Variants in ADGRV1 observed in about 807,000 individuals in gnomAD.
ADGRV1 encodes adhesion G protein-coupled receptor V1.
Under a neutral mutation model 596.2 loss-of-function variants are expected in ADGRV1, and 359 were observed. The observed-to-expected ratio is 0.60, with a 90% CI of 0.55 to 0.66. The LOEUF (loss-of-function observed/expected upper bound fraction) is 0.66. Among genes scored for constraint, ADGRV1 ranks in the 30% least tolerant of loss-of-function variants. The pLI, the probability that ADGRV1 is intolerant of heterozygous loss-of-function variation, is 0.00. For synonymous variants in ADGRV1, 2,681 were observed against 2,679.2 expected, an observed-to-expected ratio of 1.00 and a Z score of -0.02; for missense variants, 7,274 against 7,575.6, an observed-to-expected ratio of 0.96 and a Z score of 1.48.
chr5:91,014,903 G>A (rs1848481), intron 85 of ADGRV1, among the ~76,000 whole-genome samples: 107,127 of 151,754 alleles, frequency 0.71, 38,219 homozygotes, highest in African/African-American at 0.82. Context: ...GATTTTGGTT[G>A]TTTCTTGTCT....
chr5:90,907,555 A>G (rs1040700267), intron 83 of ADGRV1, among the ~76,000 whole-genome samples: 5 of 151,378 alleles, frequency 3.3e-5, no homozygotes, highest in African/African-American at 2.4e-5. Context: ...TTTGTCTCAT[A>G]TCTTTTTCCT....
chr5:90,728,906 C>T lies in ADGRV1; in HGVS notation c.10399C>T (p.Leu3467=), dbSNP rs747152480. 6.2e-7 allele frequency: 1 copy of T among 1,611,660 alleles called. No homozygotes were observed. Among genetic ancestry groups the T allele is most frequent in the Admixed American group, 1.7e-5 (1 of 59,954 alleles). ...TTTGTCTTCAGCCAATGATATTTAC[C>T]TAATATTTGCCGAAAATGTCTTTCT... ...EALSSANDIY[L]IFAENVFLGD... The change falls in exon 49 of 90, where the codon CTA becomes TTA. Residue 3467 remains leucine (L), a synonymous_variant. Transcript: ENST00000405460.
intron 11 of ADGRV1, among the ~76,000 whole-genome samples, chr5:90,638,297 C>T (rs922292730): frequency 3.3e-5 from 5 of 151,740 alleles, no homozygotes; most frequent in African/African-American, 1.2e-4. Context: ...GCAAACAGTT[C>T]TGCTGGCTTT....
At chr5:90,922,661 T>C (rs1276562544) in intron 83 of ADGRV1, among the ~76,000 whole-genome samples, 1 of 152,320 alleles carries the variant, frequency 6.6e-6, no homozygotes, top group African/African-American at 2.4e-5. Flanking sequence ...TTATCATCTA[T>C]ATAAACCTTG....
At chr5:90,573,305 C>T (rs1430549531) in intron 1 of ADGRV1, among the ~76,000 whole-genome samples, 1 of 152,142 alleles carries the variant, frequency 6.6e-6, no homozygotes, top group Non-Finnish European at 1.5e-5. Context: ...ATCTAAATTA[C>T]AGTCATGCAT....
chr5:90,961,223 G>A (rs368211626), intron 83 of ADGRV1, among the ~76,000 whole-genome samples: 2 of 152,078 alleles, frequency 1.3e-5, no homozygotes, highest in African/African-American at 4.8e-5. Context: ...AGTTTTGGCC[G>A]CGCGCAGCGG....
chr5:91,047,363 T>G (rs371672640), intron 85 of ADGRV1, among the ~76,000 whole-genome samples: 152 of 152,284 alleles, frequency 1.0e-3, no homozygotes, highest in African/African-American at 3.5e-3. Flanking sequence ...TTAACTCACA[T>G]GTTCACAAGA....
At chr5:90,754,419 G>A (rs1348455306) in intron 54 of ADGRV1, among the ~76,000 whole-genome samples, 1 of 152,044 alleles carries the variant, frequency 6.6e-6, no homozygotes, top group African/African-American at 2.4e-5. Context: ...AATAGTCAAT[G>A]GGAAAAATAC....
chr5:90,572,357 G>A (rs1254142623), intron 1 of ADGRV1, among the ~76,000 whole-genome samples: 2 of 152,024 alleles, frequency 1.3e-5, no homozygotes, highest in Non-Finnish European at 2.9e-5. Flanking sequence ...CAGGTTTGAT[G>A]TCAATAATAT....
At chr5:91,010,002 A>G (rs1375923865) in intron 85 of ADGRV1, among the ~76,000 whole-genome samples, 1 of 152,164 alleles carries the variant, frequency 6.6e-6, no homozygotes, top group African/African-American at 2.4e-5. Flanking sequence ...GAGCAAAAAA[A>G]AAAATGTTGA....
At chr5:90,614,453 C>T (rs921209836) in intron 1 of ADGRV1, among the ~76,000 whole-genome samples, 16 of 152,090 alleles carry the variant, frequency 1.1e-4, no homozygotes, top group South Asian at 6.2e-4. Flanking sequence ...GCTGGTATTT[C>T]GTAGTTTTAT....
intron 77 of ADGRV1, among the ~76,000 whole-genome samples, chr5:90,831,217 ATC>A (rs67788749): frequency 3.9e-4 from 58 of 149,918 alleles, no homozygotes; most frequent in Admixed American, 4.0e-4. Flanking sequence ...CTTATAATAA[ATC>A]TCTCTCTCTC....
At chr5:90,584,955 C>T (rs1465916889) in intron 1 of ADGRV1, among the ~76,000 whole-genome samples, 2 of 152,096 alleles carry the variant, frequency 1.3e-5, no homozygotes, top group Admixed American at 6.5e-5. Context: ...AAAATAATAA[C>T]AAGCAAGGTA....
intron 71 of ADGRV1, among the ~76,000 whole-genome samples, chr5:90,804,744 C>G (rs1242964717): frequency 1.3e-5 from 2 of 151,850 alleles, no homozygotes; most frequent in Non-Finnish European, 2.9e-5. Context: ...GAACGTTGCA[C>G]ATAAAACAAA....
Position 90,697,270 on chromosome 5 carries a change from C to G in ADGRV1, c.8155+124C>G, listed in dbSNP as rs73772468. On this transcript the variant is annotated intron_variant, in intron 34 of 89. Transcript: ENST00000405460. Reference sequence around the variant, plus strand: ...TTTGTTGAACTGTGTGTGTGTTAATCTGCATAGAACTTCTTTGGGAGAAGG... The same window carrying G: ...TTTGTTGAACTGTGTGTGTGTTAATGTGCATAGAACTTCTTTGGGAGAAGG... 6.9e-4 allele frequency: 566 copies of G among 820,582 alleles called. 1 individual carries two copies. In the African/African-American group the frequency reaches 9.0e-3, roughly 13 times the overall value. 50.8% of individuals were successfully genotyped at this position (820,582 alleles called of 1,614,324 possible). A position where few individuals can be genotyped will look rare whatever the true frequency, so the allele number is the denominator to read the frequency against.
Position 91,031,595 on chromosome 5 carries a change from A to T in ADGRV1, c.18153-40852A>T, listed in dbSNP as rs531390533. 3.0e-4 allele frequency among the ~76,000 whole-genome samples: 45 copies of T among 152,284 alleles called. 1 individual carries two copies. Among genetic ancestry groups the T allele is most frequent in the African/African-American group, 1.0e-3 (43 of 41,562 alleles). On this transcript the variant is annotated intron_variant, in intron 85 of 89. Coordinates refer to ENST00000405460, the MANE Select transcript of ADGRV1 (RefSeq NM_032119.4). The stretch of plus-strand genomic sequence containing the variant: ...TGGCAGGTCACACCCCACTCCTGAG[A>T]GTTCTTTTTAGAAAATAGTTTATAA...
chr5:90,825,231 C>G (rs1176600713), intron 76 of ADGRV1, among the ~76,000 whole-genome samples: 1 of 152,210 alleles, frequency 6.6e-6, no homozygotes, highest in Non-Finnish European at 1.5e-5. Flanking sequence ...GTCAGCATGC[C>G]TAGCCCCCAT....
chr5:90,946,644 G>A (rs907591489), intron 83 of ADGRV1, among the ~76,000 whole-genome samples: 1 of 152,072 alleles, frequency 6.6e-6, no homozygotes, highest in East Asian at 1.9e-4. Context: ...GCCCCAGTGT[G>A]TGTTGTTCCC....
At chr5:90,863,902 T>C in intron 83 of ADGRV1, 45 bp downstream of exon 83, 1 of 1,201,742 alleles carries the variant, frequency 8.3e-7, no homozygotes, top group Non-Finnish European at 1.2e-6. Flanking sequence ...GATGTTTGTG[T>C]TTCTTCTTCT....
Sources: gnomAD v4.1 joint callset for allele counts (sites outside exome capture counted in the v4.1 genomes callset) on GRCh38, gnomAD v4.1.1 for gene constraint, MANE v1.5 for transcripts, NCBI Gene and HGNC (gene_info 2026-07-23, HGNC 2026-07-21) for gene names.